Variants in PAK1 observed in about 807,000 individuals in gnomAD.
The protein encoded by PAK1 is p21 (RAC1) activated kinase 1, also known as serine/threonine-protein kinase PAK 1.
A neutral mutation model predicts 67.4 loss-of-function variants in PAK1; 29 were observed. The observed-to-expected ratio is 0.43, with a 90% CI of 0.32 to 0.59. The LOEUF is 0.59. PAK1 is among the 20% of genes least tolerant of loss of function. The pLI is 0.07. For missense variants in PAK1, 337 were observed against 670.7 expected (o/e 0.50, Z 5.50); for synonymous variants, 223 against 237.4 (o/e 0.94, Z 0.56).
rs750184454 is a variant in PAK1 at position 77,353,565 on chromosome 11, T to C, written c.807A>G (p.Lys269=). 3.1e-6 allele frequency: 5 copies of C among 1,611,076 alleles called. No homozygotes were observed. In the East Asian group the frequency reaches 1.1e-4, roughly 36 times the overall value. The change falls in exon 8 of 15, where the codon AAA becomes AAG. Residue 269 remains lysine (K), a synonymous_variant. Coordinates refer to ENST00000356341, the MANE Select transcript of PAK1 (RefSeq NM_002576.5). ...SIVSVGDPKK[K]YTRFEKIGQG... ...GTCCAATCTTCTCAAACCGTGTATA[T>C]TTCTTCTTAGGATCGCCCACACTCA... is the stretch of plus-strand genomic sequence containing the variant.
At chr11:77,481,997 C>CT in the PAK1 span, among the ~76,000 whole-genome samples, 7 of 151,054 alleles carry the variant, frequency 4.6e-5, no homozygotes, top group Admixed American at 2.0e-4. Context: ...CGTTTTGCTT[C>CT]TTTTTTTTTG....
At chr11:77,438,064 T>A (rs1440360174) in intron 1 of PAK1, among the ~76,000 whole-genome samples, 5 of 151,942 alleles carry the variant, frequency 3.3e-5, no homozygotes, top group African/African-American at 1.2e-4. Context: ...TTTTCCAGCA[T>A]CATCAGAGGT....
intron 5 of PAK1, among the ~76,000 whole-genome samples, chr11:77,361,547 C>G (rs1038203799): frequency 6.6e-5 from 10 of 151,934 alleles, no homozygotes; most frequent in African/African-American, 2.2e-4. Flanking sequence ...GTGAGTAGAA[C>G]AGTGATGTAA....
intron 1 of PAK1, among the ~76,000 whole-genome samples, chr11:77,437,386 G>A (rs1489302956): frequency 1.3e-5 from 2 of 152,106 alleles, no homozygotes; most frequent in Non-Finnish European, 2.9e-5. Flanking sequence ...TAACTTATAC[G>A]ATTATTATGA....
chr11:77,349,056 C>T (rs1318109654), intron 9 of PAK1, among the ~76,000 whole-genome samples, 183 bp downstream of exon 9: 1 of 146,970 alleles, frequency 6.8e-6, no homozygotes, highest in Non-Finnish European at 1.5e-5. Context: ...ACCTAGTAGG[C>T]GGAGGCTGCA....
the PAK1 span, among the ~76,000 whole-genome samples, chr11:77,486,943 T>A: frequency 6.6e-6 from 1 of 152,186 alleles, no homozygotes; most frequent in Admixed American, 6.5e-5. Context: ...TTAGGGGTTA[T>A]GTGACCTAGT....
chr11:77,435,240 T>C (rs1293348866), intron 1 of PAK1, among the ~76,000 whole-genome samples: 1 of 152,020 alleles, frequency 6.6e-6, no homozygotes, highest in Non-Finnish European at 1.5e-5. Flanking sequence ...CTGCTAAACA[T>C]ACCCATACAC....
chr11:77,380,851 G>C (rs1269487801), intron 2 of PAK1, among the ~76,000 whole-genome samples: 1 of 152,132 alleles, frequency 6.6e-6, no homozygotes, highest in African/African-American at 2.4e-5. Flanking sequence ...ACTCAACTGG[G>C]CAAGGAGTTT....
chr11:77,339,826 ATT>A (rs550020225), intron 11 of PAK1, among the ~76,000 whole-genome samples: 1 of 144,078 alleles, frequency 6.9e-6, no homozygotes, highest in African/African-American at 2.5e-5. Flanking sequence ...TGGTTTTGGT[ATT>A]TTTTTTTTTT....
At chr11:77,492,875 T>C in the PAK1 span, among the ~76,000 whole-genome samples, 13 of 152,144 alleles carry the variant, frequency 8.5e-5, no homozygotes, top group African/African-American at 3.1e-4. Context: ...GCTCTGGCCA[T>C]GTAAGACATT....
rs116130304 is a variant in PAK1, at chr11:77,384,201, T to C, written c.191-4207A>G. Reference sequence around the variant, plus strand: ...ATCTTTCTTCCATCTTTCCACCTGCTCAGCAAGTCAACCAAATTTCATAAA... The same window carrying C: ...ATCTTTCTTCCATCTTTCCACCTGCCCAGCAAGTCAACCAAATTTCATAAA... On this transcript the variant is annotated intron_variant, in intron 2 of 14. Coordinates refer to ENST00000356341, the MANE Select transcript of PAK1 (RefSeq NM_002576.5). Among the ~76,000 whole-genome samples the C allele has an allele frequency of 1.0e-2, 1,517 of 152,200 alleles. 24 individuals carry two copies. Among genetic ancestry groups the C allele is most frequent in the African/African-American group, 0.035 (1,463 of 41,524 alleles).
At position 77,322,524 on chromosome 11, in the gene PAK1, G is replaced by C. The variant is rs1206096668; in HGVS notation, c.*750C>G. 1 of 194,972 alleles carries C rather than the reference G, an allele frequency of 5.1e-6. No individual in the cohort carries two copies. The highest frequency in any genetic ancestry group is 1.1e-5 in the Non-Finnish European group (1 of 93,332). The allele number at this position is 194,972 out of a possible 1,614,324, so 12.1% of individuals were successfully genotyped here. On this transcript the variant is annotated 3_prime_UTR_variant, in exon 15 of 15. Transcript: ENST00000356341. ...GACTTCTCAACACTGCTCTCACTCA[G>C]TATGTGCCCTAGAAAACCTCTCAAT... is the stretch of plus-strand genomic sequence containing the variant.
intron 14 of PAK1, among the ~76,000 whole-genome samples, chr11:77,329,736 C>G (rs1196650902): frequency 6.6e-6 from 1 of 151,982 alleles, no homozygotes; most frequent in East Asian, 1.9e-4. Flanking sequence ...GACAGGGATG[C>G]CCTCTCTCAC....
Position 77,415,896 on chromosome 11 carries a change from T to C in PAK1, c.-21-23355A>G, listed in dbSNP as rs927870382. On this transcript the variant is annotated intron_variant, in intron 1 of 14. Coordinates refer to ENST00000356341, the MANE Select transcript of PAK1 (RefSeq NM_002576.5). ...ATTTTGACTCTATTGCATTAACACT[T>C]GGCTTAAGACACAAGCACATTGTAC... Among the ~76,000 whole-genome samples, 5 of 152,112 alleles carry C rather than the reference T, an allele frequency of 3.3e-5. No homozygotes were observed. The South Asian group carries it at 1.0e-3, about 32-fold the overall frequency.
the PAK1 span, among the ~76,000 whole-genome samples, chr11:77,523,648 G>A: frequency 6.6e-6 from 1 of 152,072 alleles, no homozygotes; most frequent in Non-Finnish European, 1.5e-5. Context: ...TCAAACTCCT[G>A]ACCTCGTGAT....
intron 2 of PAK1, among the ~76,000 whole-genome samples, chr11:77,380,527 C>G (rs749982869): frequency 1.3e-5 from 2 of 151,962 alleles, no homozygotes; most frequent in Non-Finnish European, 2.9e-5. Context: ...AAGGGAGAGG[C>G]AAAAAGATCG....
the PAK1 span, among the ~76,000 whole-genome samples, chr11:77,487,747 G>A: frequency 6.6e-6 from 1 of 152,060 alleles, no homozygotes; most frequent in South Asian, 2.1e-4. Flanking sequence ...TTGTGTCTTG[G>A]GTACCAGCTC....
At chr11:77,340,800 C>T in intron 10 of PAK1, 37 bp from the exon 11 acceptor site, 1 of 1,086,246 alleles carries the variant, frequency 9.2e-7, no homozygotes, top group Non-Finnish European at 1.4e-6. Flanking sequence ...AGAGAACAAT[C>T]AGAGTACACT....
chr11:77,450,501 T>A (rs1001705881), intron 1 of PAK1, among the ~76,000 whole-genome samples: 1 of 152,154 alleles, frequency 6.6e-6, no homozygotes, highest in African/African-American at 2.4e-5. Flanking sequence ...ATCCTTATGA[T>A]TAAAGACTAG....
Sources: gnomAD v4.1 joint callset for allele counts (sites outside exome capture counted in the v4.1 genomes callset) on GRCh38, gnomAD v4.1.1 for gene constraint, MANE v1.5 for transcripts, NCBI Gene and HGNC (gene_info 2026-07-23, HGNC 2026-07-21) for gene names.